PAM: variants seen among roughly 807,000 people sequenced by gnomAD.
PAM encodes peptidylglycine alpha-amidating monooxygenase, also known as peptidyl-glycine alpha-amidating monooxygenase.
In PAM, 72 loss-of-function variants were observed where a neutral mutation model predicts 122.1. The ratio of observed to expected loss-of-function variants is 0.59; its 90% CI spans 0.49 to 0.72. The LOEUF (loss-of-function observed/expected upper bound fraction) is 0.72. Among genes scored for constraint, PAM ranks in the 30% least tolerant of loss-of-function variants. The pLI, the probability that PAM is intolerant of heterozygous loss-of-function variation, is 0.00. For synonymous variants in PAM, 389 were observed against 404.4 expected (o/e 0.96, Z 0.46); for missense variants, 1,106 against 1,183.7 (o/e 0.93, Z 0.96).
chr5:102,765,943 G>A (rs186820214), intron 1 of PAM, among the ~76,000 whole-genome samples: 3 of 152,190 alleles, frequency 2.0e-5, no homozygotes. Context: ...CACAGGTACT[G>A]GAAGTTAAGA....
At chr5:102,918,318 C>G (rs1581685929) in intron 5 of PAM, among the ~76,000 whole-genome samples, 1 of 152,098 alleles carries the variant, frequency 6.6e-6, no homozygotes, top group African/African-American at 2.4e-5. Context: ...TTGTTGCACT[C>G]TATTTGTGCT....
Position 103,029,012 on chromosome 5 carries a change from T to A in PAM, c.2869T>A (p.Ser957Thr), listed in dbSNP as rs1281832945. The A allele has an allele frequency of 6.2e-7, 1 of 1,613,924 alleles. No homozygotes were observed. Among genetic ancestry groups the A allele is most frequent in the East Asian group, 2.2e-5 (1 of 44,850 alleles). Residue 957 changes from serine to threonine, a missense_variant, in exon 26 of 26, where the codon TCA (serine) becomes ACA (threonine). Coordinates refer to ENST00000438793, the MANE Select transcript of PAM (RefSeq NM_001177306.2). ...DQEKEDDGSE[S>T]EEEYSAPLPA... is the part of the protein sequence containing the mutation. The stretch of plus-strand genomic sequence containing the variant: ...AGAGAAAGAGGATGATGGAAGTGAA[T>A]CAGAAGAGGAGTATTCAGCACCTCT...
intron 14 of PAM, among the ~76,000 whole-genome samples, chr5:102,969,848 G>A (rs1381659743): frequency 6.6e-6 from 1 of 152,128 alleles, no homozygotes; most frequent in Non-Finnish European, 1.5e-5. Flanking sequence ...GGTAGCTTAA[G>A]TTTTGTAAGT....
rs572281711 is a variant in PAM at position 102,791,791 on chromosome 5, T to C, written c.-374+36443T>C. Among the ~76,000 whole-genome samples, 7 of 152,280 alleles carry C rather than the reference T, an allele frequency of 4.6e-5. 1 individual carries two copies. In the East Asian group the frequency reaches 5.8e-4, roughly 13 times the overall value. On this transcript the variant is annotated intron_variant, in intron 1 of 25. Coordinates refer to ENST00000438793, the MANE Select transcript of PAM (RefSeq NM_001177306.2). Reference sequence around the variant, plus strand: ...TGAAATCCTGTCAATTAATTAGTTGTATTTAGTCTTACAATAGATAAACCA... The same window carrying C: ...TGAAATCCTGTCAATTAATTAGTTGCATTTAGTCTTACAATAGATAAACCA...
At chr5:102,971,774 T>G (rs1007478496) in intron 14 of PAM, among the ~76,000 whole-genome samples, 2 of 152,188 alleles carry the variant, frequency 1.3e-5, no homozygotes, top group Non-Finnish European at 2.9e-5. Flanking sequence ...ATTTTCTAAA[T>G]AAACATCTTA....
intron 7 of PAM, among the ~76,000 whole-genome samples, chr5:102,945,059 A>G (rs903790618): frequency 1.3e-5 from 2 of 152,132 alleles, no homozygotes; most frequent in Non-Finnish European, 2.9e-5. Context: ...ATTTTTTGGA[A>G]TATACCAATA....
chr5:102,925,281 A>C (rs1318015191), intron 6 of PAM, among the ~76,000 whole-genome samples: 3 of 152,224 alleles, frequency 2.0e-5, no homozygotes. Flanking sequence ...ATTAGAAAAT[A>C]ACCAAGGATA....
At position 103,019,799 on chromosome 5, in the gene PAM, A is replaced by G; in HGVS notation, c.2441A>G (p.His814Arg). The change falls in exon 23 of 26, where the codon CAT becomes CGT. Residue 814 changes from histidine to arginine, a missense_variant. His to Arg is a conservative substitution (Grantham distance 29). This residue lies in a region of PAM where 333 missense variants were observed against 335.6 expected (regional missense o/e 0.99). Transcript: ENST00000438793. ...WKFTLTEKLE[H>R]RSVKKAGIEV... ...TGTTGTGTTGTTACAGAATTGGAAC[A>G]TCGATCAGTTAAAAAGGCTGGCATT... 1 of 1,606,756 alleles carries G rather than the reference A, an allele frequency of 6.2e-7. No individual in the cohort carries two copies. Among genetic ancestry groups the G allele is most frequent in the Non-Finnish European group, 8.5e-7 (1 of 1,173,370 alleles).
chr5:102,913,623 A>G (rs1802157498), intron 4 of PAM, among the ~76,000 whole-genome samples: 1 of 152,036 alleles, frequency 6.6e-6, no homozygotes, highest in South Asian at 2.1e-4. Flanking sequence ...CTGTGAATAC[A>G]TAGCCTGCAG....
At chr5:103,007,755 CTA>C in intron 20 of PAM, 98 bp downstream of exon 20, 2 of 738,968 alleles carry the variant, frequency 2.7e-6, no homozygotes, top group Non-Finnish European at 4.4e-6. Context: ...ATTTTCTTTG[CTA>C]TATATTTCAC....
intron 1 of PAM, 95 bp downstream of exon 1, chr5:102,755,443 T>A (rs1289855417): frequency 1.5e-5 from 2 of 132,402 alleles, no homozygotes; most frequent in Non-Finnish European, 3.2e-5. Flanking sequence ...GGGATCCTGC[T>A]GCCACCAATT....
At chr5:102,952,043 G>GAGCACACACACACCGC (rs1759083820) in intron 12 of PAM, among the ~76,000 whole-genome samples, 1 of 152,012 alleles carries the variant, frequency 6.6e-6, no homozygotes, top group Non-Finnish European at 1.5e-5. Flanking sequence ...TTTTATGTCA[G>GAGCACACACACACCGC]TGCAGAGCCA....
In PAM at chr5:102,960,032, A is replaced by G. The variant is rs753602390; in HGVS notation, c.1063A>G (p.Met355Val). The change falls in exon 13 of 26, where the codon ATG (methionine) becomes GTG (valine). Residue 355 changes from methionine (M) to valine (V), a missense_variant. By Grantham distance (21) the Met-to-Val change is conservative. Transcript: ENST00000438793. ...ANIPIPVKSD[M>V]VMMHEHHKET... ...CATTCCAATTCCCGTGAAGTCTGAT[A>G]TGGTTATGATGCATGAACATCATAA... The G allele has an allele frequency of 6.2e-7, 1 of 1,603,846 alleles. No homozygotes were observed. Among genetic ancestry groups the G allele is most frequent in the East Asian group, 2.2e-5 (1 of 44,818 alleles).
intron 1 of PAM, among the ~76,000 whole-genome samples, chr5:102,803,984 T>C (rs1284228837): frequency 3.9e-5 from 6 of 151,900 alleles, no homozygotes; most frequent in Non-Finnish European, 8.8e-5. Context: ...CTTGAAGAAC[T>C]GATAGGGTTT....
intron 3 of PAM, chr5:102,895,900 A>G (rs1394736742): frequency 6.6e-6 from 1 of 151,724 alleles, no homozygotes; most frequent in Non-Finnish European, 1.5e-5. Flanking sequence ...CAGAAGATTG[A>G]CTGATTCCGT....
intron 1 of PAM, among the ~76,000 whole-genome samples, chr5:102,798,324 A>G (rs1763878579): frequency 6.6e-6 from 1 of 152,222 alleles, no homozygotes; most frequent in African/African-American, 2.4e-5. Context: ...CCACTGGACT[A>G]TATGATGAGG....
intron 9 of PAM, 99 bp downstream of exon 9, chr5:102,948,544 T>A: frequency 1.5e-6 from 1 of 646,084 alleles, no homozygotes; most frequent in Non-Finnish European, 2.8e-6. Flanking sequence ...ATAATCAATA[T>A]TTTTATGTCT....
At chr5:103,004,777 C>A (rs1778449349) in intron 17 of PAM, among the ~76,000 whole-genome samples, 1 of 152,072 alleles carries the variant, frequency 6.6e-6, no homozygotes, top group South Asian at 2.1e-4. Flanking sequence ...TAACCGCAAA[C>A]TATATCAATC....
At chr5:102,872,736 A>T (rs1190881220) in intron 3 of PAM, among the ~76,000 whole-genome samples, 2 of 152,218 alleles carry the variant, frequency 1.3e-5, no homozygotes, top group African/African-American at 2.4e-5. Context: ...TCAGAATGCC[A>T]ATTAAATTAG....
Sources: allele counts gnomAD v4.1 joint callset (sites outside exome capture counted in the v4.1 genomes callset), GRCh38; gene constraint gnomAD v4.1.1; regional missense constraint gnomAD v4.1.1; transcripts MANE v1.5; gene names NCBI Gene and HGNC (gene_info 2026-07-23, HGNC 2026-07-21).